The following PTPRO variants were observed in gnomAD, a reference collection of about 807,000 sequenced individuals.
The protein encoded by PTPRO is receptor-type tyrosine-protein phosphatase O.
A neutral mutation model predicts 145.2 loss-of-function variants in PTPRO; 62 were observed. That is an observed-to-expected ratio of 0.43 (90% CI 0.35 to 0.53). PTPRO has a LOEUF of 0.53. Among genes scored for constraint, PTPRO ranks in the 20% least tolerant of loss-of-function variants. The pLI is 0.01. For missense variants in PTPRO, 1,345 were observed against 1,482.7 expected, an observed-to-expected ratio of 0.91 and a Z score of 1.53; for synonymous variants, 565 against 514.7, an observed-to-expected ratio of 1.10 and a Z score of -1.32.
intron 1 of PTPRO, chr12:15,337,576 AAGGAATTG>A (rs1866808988): frequency 6.6e-6 from 1 of 152,220 alleles, no homozygotes; most frequent in African/African-American, 2.4e-5. Context: ...AACCATAGAA[AAGGAATTG>A]CAATTATCTT....
At chr12:15,324,367 G>A (rs1866385598) in intron 1 of PTPRO, among the ~76,000 whole-genome samples, 1 of 152,198 alleles carries the variant, frequency 6.6e-6, no homozygotes, top group African/African-American at 2.4e-5. Flanking sequence ...TGACTTGGTT[G>A]GGAGTGGGGG....
intron 1 of PTPRO, among the ~76,000 whole-genome samples, chr12:15,371,276 A>G (rs1938522250): frequency 6.6e-6 from 1 of 150,764 alleles, no homozygotes; most frequent in African/African-American, 2.4e-5. Context: ...TCTGTCGCCC[A>G]GGCTGGAGTG....
intron 1 of PTPRO, among the ~76,000 whole-genome samples, chr12:15,479,373 C>G (rs1941730408): frequency 6.6e-6 from 1 of 152,116 alleles, no homozygotes; most frequent in South Asian, 2.1e-4. Context: ...GGGGGTCTGC[C>G]CTTCATTAAT....
chr12:15,579,923 T>G (rs895881933), intron 20 of PTPRO, 116 bp from the exon 21 acceptor site: 69 of 790,696 alleles, frequency 8.7e-5, no homozygotes, highest in Middle Eastern at 6.2e-4. Flanking sequence ...AGGCTAAAAA[T>G]TATTATCTGC....
chr12:15,477,541 T>C (rs990652050), intron 1 of PTPRO, among the ~76,000 whole-genome samples: 2 of 151,974 alleles, frequency 1.3e-5, no homozygotes, highest in Non-Finnish European at 2.9e-5. Context: ...TAAAGTAAGC[T>C]GATGATGGTA....
At chr12:15,580,465 GGATGTGAT>G (rs1424544409) in intron 21 of PTPRO, among the ~76,000 whole-genome samples, 1 of 152,202 alleles carries the variant, frequency 6.6e-6, no homozygotes, top group East Asian at 1.9e-4. Context: ...AAAAAGGTGT[GGATGTGAT>G]TTTTACAGCC....
intron 17 of PTPRO, among the ~76,000 whole-genome samples, chr12:15,564,659 T>C (rs1193551692): frequency 6.6e-6 from 1 of 152,236 alleles, no homozygotes; most frequent in Admixed American, 6.6e-5. Flanking sequence ...TTTGGACACA[T>C]TAAAGTACTA....
At chr12:15,440,648 C>A (rs1940737566) in intron 1 of PTPRO, among the ~76,000 whole-genome samples, 1 of 151,998 alleles carries the variant, frequency 6.6e-6, no homozygotes, top group Non-Finnish European at 1.5e-5. Context: ...ATCACTTGAG[C>A]CCAAGATTTC....
intron 1 of PTPRO, among the ~76,000 whole-genome samples, chr12:15,367,346 C>T (rs142903101): frequency 6.6e-6 from 1 of 152,014 alleles, no homozygotes; most frequent in Admixed American, 6.6e-5. Flanking sequence ...TTGGCATGAG[C>T]CTGATGAATG....
chr12:15,371,433 ATCTTGGCCAGGTTGG>A (rs1029077253), intron 1 of PTPRO, among the ~76,000 whole-genome samples: 106 of 152,104 alleles, frequency 7.0e-4, no homozygotes, highest in African/African-American at 2.5e-3. Flanking sequence ...GGGTTTCACT[ATCTTGGCCAGGTTGG>A]TCTTGAACTC....
chr12:15,559,434 A>G (rs985824058), intron 16 of PTPRO, among the ~76,000 whole-genome samples: 6 of 152,158 alleles, frequency 3.9e-5, no homozygotes, highest in Non-Finnish European at 5.9e-5. Context: ...ATCTATATTA[A>G]TGGGTGTTCT....
At chr12:15,471,663 G>A (rs916507349) in intron 1 of PTPRO, among the ~76,000 whole-genome samples, 6 of 152,088 alleles carry the variant, frequency 3.9e-5, no homozygotes, top group Non-Finnish European at 7.4e-5. Context: ...ATTCTAGGAA[G>A]GGCAAAGGCT....
chr12:15,414,238 C>G (rs757617225), intron 1 of PTPRO, among the ~76,000 whole-genome samples: 2 of 152,176 alleles, frequency 1.3e-5, no homozygotes, highest in East Asian at 3.9e-4. Context: ...ATATGAACAA[C>G]GTTCATAACA....
At chr12:15,349,271 G>A (rs1937710858) in intron 1 of PTPRO, among the ~76,000 whole-genome samples, 1 of 152,138 alleles carries the variant, frequency 6.6e-6, no homozygotes, top group African/African-American at 2.4e-5. Context: ...TTGGCTAGAT[G>A]GGGGTACGAT....
intron 1 of PTPRO, 124 bp from the exon 2 acceptor site, chr12:15,483,850 G>T: frequency 2.0e-6 from 2 of 1,023,228 alleles, no homozygotes; most frequent in South Asian, 1.5e-5. Context: ...AAGAAATAAG[G>T]CTTACCATAA....
Position 15,584,154 on chromosome 12 carries a change from C to T in PTPRO, c.3255+2353C>T, listed in dbSNP as rs1944382861. Among the ~76,000 whole-genome samples the T allele has an allele frequency of 2.0e-5, 3 of 152,172 alleles. No homozygotes were observed. In the South Asian group the frequency reaches 6.2e-4, roughly 32 times the overall value. ...TTCTCGCTTCTTGTGTCTGCCTCCC[C>T]AGTATACTGTGAGTTTCAGAAGCAA... On this transcript the variant is annotated intron_variant, in intron 23 of 26. Coordinates refer to ENST00000281171, the MANE Select transcript of PTPRO (RefSeq NM_030667.3).
intron 25 of PTPRO, among the ~76,000 whole-genome samples, chr12:15,593,267 G>GT (rs1944590458): frequency 6.6e-6 from 1 of 152,138 alleles, no homozygotes; most frequent in African/African-American, 2.4e-5. Context: ...TATTAATTTT[G>GT]TTTTTTGTAT....
At position 15,497,400 on chromosome 12, in the gene PTPRO, A is replaced by G. The variant is rs1942129072; in HGVS notation, c.505A>G (p.Lys169Glu). Residue 169 changes from lysine (K) to glutamate (E), a missense_variant, in exon 3 of 27, where the codon AAA becomes GAA. By Grantham distance (56) the Lys-to-Glu change is moderately conservative. This residue lies in a region of PTPRO where 1,130 missense variants were observed against 1,214.7 expected (regional missense o/e 0.93). Coordinates refer to ENST00000281171, the MANE Select transcript of PTPRO (RefSeq NM_030667.3). The stretch of plus-strand genomic sequence containing the variant: ...TAAAGACTTCCGGACAATGCTATAT[A>G]AAGGTAAGCAGCAAAAGGAAAGCTG... ...EGKDFRTMLY[K>E]DFFKGKTVFN... The G allele has an allele frequency of 1.9e-6, 3 of 1,613,206 alleles. No homozygotes were observed. The highest frequency in any genetic ancestry group is 1.7e-6 in the Non-Finnish European group (2 of 1,179,432).
intron 12 of PTPRO, among the ~76,000 whole-genome samples, chr12:15,538,474 G>A (rs187393231): frequency 4.6e-5 from 7 of 152,260 alleles, no homozygotes; most frequent in Non-Finnish European, 8.8e-5. Context: ...CTGCCCGCAA[G>A]TGCCTCCCAT....
Sources: gnomAD v4.1 joint callset for allele counts (sites outside exome capture counted in the v4.1 genomes callset) on GRCh38, gnomAD v4.1.1 for gene constraint, gnomAD v4.1.1 regional missense constraint, MANE v1.5 for transcripts, NCBI Gene and HGNC (gene_info 2026-07-23, HGNC 2026-07-21) for gene names.